Variants in HGS observed in about 807,000 individuals in gnomAD.
HGS encodes the protein human growth factor-regulated tyrosine kinase substrate.
In HGS, 63 loss-of-function variants were observed where a neutral mutation model predicts 109.7. That is an observed-to-expected ratio of 0.57 (90% CI 0.47 to 0.71). The LOEUF (loss-of-function observed/expected upper bound fraction) is 0.71, where lower values mean the gene tolerates loss of function less well. HGS is among the 30% of genes least tolerant of loss of function. The pLI is 0.00. For missense variants in HGS, 995 were observed against 1,068.3 expected, an observed-to-expected ratio of 0.93 and a Z score of 0.96; for synonymous variants, 546 against 437.3, an observed-to-expected ratio of 1.25 and a Z score of -3.10.
chr17:81,688,279 C>G (rs531213988), intron 4 of HGS, among the ~76,000 whole-genome samples: 2 of 151,606 alleles, frequency 1.3e-5, no homozygotes, highest in East Asian at 3.9e-4. Flanking sequence ...GAGCGGCTGC[C>G]CCCCGCGTCT....
chr17:81,684,234 C>T (rs1454985167), intron 1 of HGS, 131 bp downstream of exon 1: 2 of 873,490 alleles, frequency 2.3e-6, no homozygotes, highest in Non-Finnish European at 3.1e-6. Context: ...GGCCCGCTGT[C>T]CTCCCGGGTT....
At chr17:81,694,521 G>A (rs947530677) in intron 11 of HGS, among the ~76,000 whole-genome samples, 1 of 152,224 alleles carries the variant, frequency 6.6e-6, no homozygotes, top group Non-Finnish European at 1.5e-5. Context: ...GGACCGTGGG[G>A]GCTGTCCAGT....
At chr17:81,688,510 C>T (rs2037016107) in intron 4 of HGS, among the ~76,000 whole-genome samples, 194 bp from the exon 5 acceptor site, 1 of 152,176 alleles carries the variant, frequency 6.6e-6, no homozygotes. Flanking sequence ...CAAGTAGAGG[C>T]AGGCGTGAGG....
chr17:81,695,146 T>A lies in HGS; in HGVS notation c.1120-18T>A, dbSNP rs1318111272. On this transcript the variant is annotated intron_variant, in intron 13 of 21. Transcript: ENST00000329138. Reference sequence around the variant, plus strand: ...ATGCGGGACAGGTTGGAGGCCCCACTCATTCTCTCTCTTCCAGAACCCCCT... The same window carrying A: ...ATGCGGGACAGGTTGGAGGCCCCACACATTCTCTCTCTTCCAGAACCCCCT... 6.2e-7 allele frequency: 1 copy of A among 1,613,954 alleles called. No individual in the cohort carries two copies. The highest frequency in any genetic ancestry group is 8.5e-7 in the Non-Finnish European group (1 of 1,179,884).
At chr17:81,684,386 C>A in intron 1 of HGS, 1 of 334,118 alleles carries the variant, frequency 3.0e-6, no homozygotes, top group Non-Finnish European at 5.4e-6. Flanking sequence ...GGCATTCGGC[C>A]GATTTCCTCT....
intron 5 of HGS, among the ~76,000 whole-genome samples, chr17:81,689,652 T>C (rs2037034573): frequency 1.3e-5 from 2 of 152,124 alleles, no homozygotes; most frequent in East Asian, 3.9e-4. Flanking sequence ...GTTGGACGCT[T>C]GCCCTGTGGC....
intron 21 of HGS, 37 bp from the exon 22 acceptor site, chr17:81,701,471 G>A: frequency 2.0e-6 from 3 of 1,524,716 alleles, no homozygotes; most frequent in Non-Finnish European, 2.6e-6. Flanking sequence ...GCTGGGGAAG[G>A]GAGGACCAGG....
chr17:81,691,109 G>A lies in HGS; in HGVS notation c.538-338G>A. 1 of 440,234 alleles carries A rather than the reference G, an allele frequency of 2.3e-6. No individual in the cohort carries two copies. Among genetic ancestry groups the A allele is most frequent in the Non-Finnish European group, 4.1e-6 (1 of 241,972 alleles). The allele number at this position is 440,234 out of a possible 1,614,324, so 27.3% of individuals were successfully genotyped here. On this transcript the variant is annotated intron_variant, in intron 7 of 21. Coordinates refer to ENST00000329138, the MANE Select transcript of HGS (RefSeq NM_004712.5). The surrounding 1 kb of genome is among the most constrained non-coding windows in gnomAD (Gnocchi z 5.3). Reference sequence around the variant, plus strand: ...TCACATCAAAACCCCCTCCAGGCTGGCAACCGGCAGTGCTTGGGGTTTGGG... The same window carrying A: ...TCACATCAAAACCCCCTCCAGGCTGACAACCGGCAGTGCTTGGGGTTTGGG...
At position 81,691,373 on chromosome 17, in the gene HGS, G is replaced by A. The variant is rs1211304963; in HGVS notation, c.538-74G>A. 5 of 1,593,962 alleles carry A rather than the reference G, an allele frequency of 3.1e-6. No homozygotes were observed. In the African/African-American group the frequency reaches 5.4e-5, roughly 17 times the overall value. ...TGAGGCCCAGCTTCGGCATCGTACG[G>A]GGTGGTTCTGGGCCGGGTGGCGCAT... On this transcript the variant is annotated intron_variant, in intron 7 of 21. Transcript: ENST00000329138. This position sits in a 1 kb window ranked among gnomAD's most constrained non-coding sequence, Gnocchi z 5.3.
chr17:81,684,197 G>A, intron 1 of HGS, 94 bp downstream of exon 1: 1 of 1,164,384 alleles, frequency 8.6e-7, no homozygotes, highest in Non-Finnish European at 1.1e-6. Context: ...GAGGGGCGCG[G>A]ACCGGCCGCC....
At chr17:81,688,111 C>T (rs1014672182) in intron 4 of HGS, among the ~76,000 whole-genome samples, 1 of 152,194 alleles carries the variant, frequency 6.6e-6, no homozygotes, top group African/African-American at 2.4e-5. Flanking sequence ...TGCCCCGGAG[C>T]CTGCTTGCAG....
intron 1 of HGS, chr17:81,684,966 G>T (rs987525193): frequency 5.1e-6 from 5 of 985,410 alleles, no homozygotes; most frequent in Non-Finnish European, 6.0e-6. Flanking sequence ...GGCTTGGCTT[G>T]TTAGATCGTT....
rs956989065 is a variant in HGS, at chr17:81,701,647, A to G, written c.*29A>G. ...AGGCCATGCTCACGTCCGGAGTAAC[A>G]CTACATACAGTTCACCTGAAACGCC... On this transcript the variant is annotated 3_prime_UTR_variant, in exon 22 of 22. Coordinates refer to ENST00000329138, the MANE Select transcript of HGS (RefSeq NM_004712.5). The G allele has an allele frequency of 1.3e-6, 2 of 1,532,590 alleles. No homozygotes were observed. The highest frequency in any genetic ancestry group is 1.9e-5 in the Admixed American group (1 of 51,514). 94.9% of individuals were successfully genotyped at this position (1,532,590 alleles called of 1,614,324 possible).
At chr17:81,695,401 C>G (rs763946302) in intron 14 of HGS, among the ~76,000 whole-genome samples, 178 bp downstream of exon 14, 2 of 152,248 alleles carry the variant, frequency 1.3e-5, no homozygotes, top group East Asian at 3.8e-4. Context: ...AATGGAAACT[C>G]TACACCAGGC....
chr17:81,700,468 T>A lies in HGS; in HGVS notation c.1884T>A (p.Asp628Glu). 1 of 1,561,812 alleles carries A rather than the reference T, an allele frequency of 6.4e-7. No individual in the cohort carries two copies. The highest frequency in any genetic ancestry group is 8.7e-7 in the Non-Finnish European group (1 of 1,151,788). The change falls in exon 19 of 22, where the codon GAT (aspartate) becomes GAA (glutamate). Residue 628 changes from aspartate to glutamate, a missense_variant and splice_region_variant. Physicochemically the swap from Asp to Glu is conservative, Grantham distance 45. Around this residue, in one of 6 missense-constraint regions of HGS, gnomAD observed 326 missense variants for 309.7 expected, o/e 1.05. Transcript: ENST00000329138. Reference sequence around the variant, plus strand: ...TCTCCCCTGTCTTGTTTGTCACAGATCCCAGCATGGTGAGTGCCTACATGT... The same window carrying A: ...TCTCCCCTGTCTTGTTTGTCACAGAACCCAGCATGGTGAGTGCCTACATGT... ...PYPSMPSTAA[D>E]PSMVSAYMYP...
chr17:81,691,751 G>C lies in HGS; in HGVS notation c.662+180G>C. ...TGCCCTCGGACCCTGCCCCACACTA[G>C]GGCAGGTGGGTGTGAGAGACAGGGC... On this transcript the variant is annotated intron_variant, in intron 8 of 21. Transcript: ENST00000329138. The surrounding 1 kb of genome is among the most constrained non-coding windows in gnomAD (Gnocchi z 5.3). 1.5e-6 allele frequency: 1 copy of C among 681,318 alleles called. No homozygotes were observed. Among genetic ancestry groups the C allele is most frequent in the Non-Finnish European group, 2.4e-6 (1 of 414,926 alleles). 42.2% of individuals were successfully genotyped at this position (681,318 alleles called of 1,614,324 possible).
rs377483103 is a variant in HGS, at chr17:81,694,810, C to T, written c.937-5C>T. 4.5e-5 allele frequency: 72 copies of T among 1,614,114 alleles called. No individual in the cohort carries two copies. The African/African-American group carries it at 8.5e-4, about 19-fold the overall frequency. ...TGTGAGACTCAGATGCCCTTTTCTC[C>T]CCAGAACTCGTCGGCGCCTCTGGCT... is the stretch of plus-strand genomic sequence containing the variant. On this transcript the variant is annotated splice_region_variant and splice_polypyrimidine_tract_variant and intron_variant, in intron 11 of 21. Coordinates refer to ENST00000329138, the MANE Select transcript of HGS (RefSeq NM_004712.5).
chr17:81,689,138 G>T (rs1036135501), intron 5 of HGS, among the ~76,000 whole-genome samples: 4 of 152,220 alleles, frequency 2.6e-5, no homozygotes, highest in African/African-American at 9.6e-5. Flanking sequence ...GTGCAGTCAG[G>T]GAAGGCCTCT....
chr17:81,696,867 C>T lies in HGS; in HGVS notation c.1751C>T (p.Ser584Leu), dbSNP rs538920453. 17 of 1,610,898 alleles carry T rather than the reference C, an allele frequency of 1.1e-5. No homozygotes were observed. Among genetic ancestry groups the T allele is most frequent in the Middle Eastern group, 3.3e-4 (2 of 6,062 alleles). The change falls in exon 18 of 22, where the codon TCG (serine) becomes TTG (leucine). Residue 584 changes from serine (S) to leucine (L), a missense_variant. Ser to Leu is a moderately radical substitution (Grantham distance 145). Coordinates refer to ENST00000329138, the MANE Select transcript of HGS (RefSeq NM_004712.5). ...GCCGGAGGTGTGCTCTACCAGCCCT[C>T]GGGACCAGCCAGCTTCCCCAGCACC... ...PAAGGVLYQP[S>L]GPASFPSTFS...
Sources: allele counts gnomAD v4.1 joint callset (sites outside exome capture counted in the v4.1 genomes callset), GRCh38; gene constraint gnomAD v4.1.1; regional missense constraint gnomAD v4.1.1; non-coding constraint Gnocchi (gnomAD v3.1); transcripts MANE v1.5; gene names NCBI Gene and HGNC (gene_info 2026-07-23, HGNC 2026-07-21).